The following MRPS15 variants were observed in gnomAD, a reference collection of about 807,000 sequenced individuals.
The protein encoded by MRPS15 is mitochondrial ribosomal protein S15.
MRPS15 carries 25 observed loss-of-function variants against 30.7 expected under a neutral mutation model. The observed-to-expected ratio is 0.81, with a 90% confidence interval of 0.59 to 1.14. The LOEUF is 1.14. MRPS15 is among the 50% of genes most tolerant of loss of function. The pLI, the probability that MRPS15 is intolerant of heterozygous loss-of-function variation, is 0.00. For missense variants in MRPS15, 313 were observed against 321.7 expected (o/e 0.97, Z 0.21); for synonymous variants, 124 against 120.1 (o/e 1.03, Z -0.21).
intron 2 of MRPS15, among the ~76,000 whole-genome samples, chr1:36,462,975 G>A (rs1172510621): frequency 6.6e-6 from 1 of 151,696 alleles, no homozygotes; most frequent in Non-Finnish European, 1.5e-5. Context: ...TTTCTTTTTT[G>A]TTTTTTTGAG....
At position 36,463,669 on chromosome 1, in the gene MRPS15, T is replaced by A. The variant is rs147408894; in HGVS notation, c.175+137A>T. ...TGCAGGCCTAGGGCTTTGTGTAAGG[T>A]GGACGTGGGGTCTTTTGCTCAGGAC... On this transcript the variant is annotated intron_variant, in intron 2 of 7. Transcript: ENST00000373116. 8.6e-4 allele frequency: 840 copies of A among 972,294 alleles called. 5 individuals are homozygous for A. In the African/African-American group the frequency reaches 0.013, roughly 15 times the overall value. 60.2% of individuals were successfully genotyped at this position (972,294 alleles called of 1,614,324 possible). A position where few individuals can be genotyped will look rare whatever the true frequency, so the allele number is the denominator to read the frequency against.
At position 36,455,940 on chromosome 1, in the gene MRPS15, G is replaced by T. The variant is rs758068156; in HGVS notation, c.637-15C>A. ...TCCTGGAAAACCTGGGGATGAAAAG[G>T]GGCAGAAAAAGACCTTGTAATCCTG... On this transcript the variant is annotated splice_polypyrimidine_tract_variant and intron_variant, in intron 7 of 7. Transcript: ENST00000373116. 6.2e-7 allele frequency: 1 copy of T among 1,610,822 alleles called. No homozygotes were observed. The highest frequency in any genetic ancestry group is 1.1e-5 in the South Asian group (1 of 90,682).
At chr1:36,457,848 C>T in intron 6 of MRPS15, 75 bp downstream of exon 6, 1 of 1,437,090 alleles carries the variant, frequency 7.0e-7, no homozygotes, top group South Asian at 1.1e-5. Context: ...CTTCTCTGGA[C>T]CCAGAGCCCT....
In MRPS15 at chr1:36,458,042, G is replaced by T. The variant is rs16823045; in HGVS notation, c.386-61C>A. 1 of 1,462,296 alleles carries T rather than the reference G, an allele frequency of 6.8e-7. No individual in the cohort carries two copies. Among genetic ancestry groups the T allele is most frequent in the Non-Finnish European group, 9.6e-7 (1 of 1,042,038 alleles). The allele number at this position is 1,462,296 out of a possible 1,614,324, so 90.6% of individuals were successfully genotyped here. On this transcript the variant is annotated intron_variant, in intron 5 of 7. Transcript: ENST00000373116. The surrounding 1 kb of genome is among the most constrained non-coding windows in gnomAD (Gnocchi z 4.5). Reference sequence around the variant, plus strand: ...ACAGAGGAAGGAAGGGCCCAGGCCTGGTTTACGTTTTAAGAACTCAAGGAA... The same window carrying T: ...ACAGAGGAAGGAAGGGCCCAGGCCTTGTTTACGTTTTAAGAACTCAAGGAA...
At chr1:36,462,231 G>T in intron 2 of MRPS15, 68 bp from the exon 3 acceptor site, 1 of 1,227,696 alleles carries the variant, frequency 8.1e-7, no homozygotes, top group Non-Finnish European at 1.2e-6. Flanking sequence ...CCCAGACCTG[G>T]CTCTTTTCAC....
Position 36,462,176 on chromosome 1 carries a change from T to C in MRPS15, c.176-13A>G. 1 of 1,604,156 alleles carries C rather than the reference T, an allele frequency of 6.2e-7. No homozygotes were observed. Among genetic ancestry groups the C allele is most frequent in the Non-Finnish European group, 8.5e-7 (1 of 1,172,734 alleles). ...AGCCTAGACTGGGCTGTCAAGTAAA[T>C]ATGGGGATAGAAAACACCCAGAGTC... On this transcript the variant is annotated splice_polypyrimidine_tract_variant and intron_variant, in intron 2 of 7. Transcript: ENST00000373116.
Position 36,460,693 on chromosome 1 carries a change from T to G in MRPS15, c.384A>C (p.Arg128=). 2 of 1,613,804 alleles carry G rather than the reference T, an allele frequency of 1.2e-6. No homozygotes were observed. The highest frequency in any genetic ancestry group is 1.7e-6 in the Non-Finnish European group (2 of 1,179,750). The change falls in exon 5 of 8, where the codon CGA becomes CGC. Residue 128 remains arginine (R), a splice_region_variant and synonymous_variant. Transcript: ENST00000373116. The part of the protein sequence containing the change: ...NPEDTRSLEA[R]IIALSVKIRS... ...ACTCCCCAAGGGTCCCCGACCAACT[T>G]CGAGCCTCCAGGGATCTGGTGTCCT...
At chr1:36,460,612 G>T in intron 5 of MRPS15, 80 bp downstream of exon 5, 1 of 1,072,430 alleles carries the variant, frequency 9.3e-7, no homozygotes, top group Non-Finnish European at 1.4e-6. Flanking sequence ...ATGTGCATGT[G>T]CTTGTAGACA....
chr1:36,455,996 T>C, intron 7 of MRPS15, 71 bp from the exon 8 acceptor site: 21 of 1,569,852 alleles, frequency 1.3e-5, no homozygotes, highest in South Asian at 8.3e-5. Flanking sequence ...ACAAGTGGGA[T>C]GGGAACTATT....
chr1:36,460,380 C>G lies in MRPS15; in HGVS notation c.385+312G>C, dbSNP rs992578615. 3.9e-5 allele frequency among the ~76,000 whole-genome samples: 6 copies of G among 152,188 alleles called. No homozygotes were observed. In the East Asian group the frequency reaches 1.2e-3, roughly 29 times the overall value. ...GTTTACATCCCCTAGCTGCCTCTCA[C>G]AATGCTGCCATGAGGTGGGTAACAT... On this transcript the variant is annotated intron_variant, in intron 5 of 7. Transcript: ENST00000373116.
intron 7 of MRPS15, 99 bp from the exon 8 acceptor site, chr1:36,456,024 C>A (rs1047529662): frequency 3.9e-6 from 6 of 1,522,384 alleles, no homozygotes; most frequent in Non-Finnish European, 5.3e-6. Flanking sequence ...GATGGTAACC[C>A]CAGCCTTTCT....
At position 36,455,759 on chromosome 1, in the gene MRPS15, C is replaced by T. The variant is rs1457649967; in HGVS notation, c.*29G>A. ...CCCCATCATCTCTCCTATCATTCTTCAAGACAGAAAGAAATGATTGAACAG... is the reference window on the plus strand; with the variant it reads ...CCCCATCATCTCTCCTATCATTCTTTAAGACAGAAAGAAATGATTGAACAG... On this transcript the variant is annotated 3_prime_UTR_variant, in exon 8 of 8. Coordinates refer to ENST00000373116, the MANE Select transcript of MRPS15 (RefSeq NM_031280.4). 8 of 1,610,026 alleles carry T rather than the reference C, an allele frequency of 5.0e-6. No homozygotes were observed. The highest frequency in any genetic ancestry group is 6.8e-6 in the Non-Finnish European group (8 of 1,178,848).
chr1:36,457,815 A>G, intron 6 of MRPS15, 108 bp downstream of exon 6: 1 of 1,072,520 alleles, frequency 9.3e-7, no homozygotes, highest in African/African-American at 1.6e-5. Context: ...GGAGGGAAGC[A>G]TTTTCAGTGG....
rs1650030055 is a variant in MRPS15 at position 36,457,970 on chromosome 1, A to C, written c.397T>G (p.Ser133Ala). ...TCTTCATAACTGCGGATCTTGACAG[A>C]CAAGGCAATAACTGAAACCACAAAC... ...RSLEARIIAL[S>A]VKIRSYEEHL... The change falls in exon 6 of 8, where the codon TCT becomes GCT. Residue 133 changes from serine (S) to alanine (A), a missense_variant. Physicochemically the swap from Ser to Ala is moderately conservative, Grantham distance 99. Coordinates refer to ENST00000373116, the MANE Select transcript of MRPS15 (RefSeq NM_031280.4). 1 of 1,614,208 alleles carries C rather than the reference A, an allele frequency of 6.2e-7. No individual in the cohort carries two copies. Among genetic ancestry groups the C allele is most frequent in the Non-Finnish European group, 8.5e-7 (1 of 1,180,028 alleles).
intron 7 of MRPS15, 106 bp downstream of exon 7, chr1:36,456,081 T>C: frequency 6.7e-7 from 1 of 1,483,036 alleles, no homozygotes; most frequent in Non-Finnish European, 9.1e-7. Context: ...TTCCAGGGCC[T>C]GGGGCCAGTT....
In MRPS15 at chr1:36,460,649, C is replaced by G. The variant is rs199618991; in HGVS notation, c.385+43G>C. On this transcript the variant is annotated intron_variant, in intron 5 of 7. Coordinates refer to ENST00000373116, the MANE Select transcript of MRPS15 (RefSeq NM_031280.4). ...GAGCCCTAGATCAGGTCCCAGCTAG[C>G]AGGCTTCCCTACACCCCCACTCCCC... 23 of 1,460,210 alleles carry G rather than the reference C, an allele frequency of 1.6e-5. No homozygotes were observed. In the African/African-American group the frequency reaches 2.8e-4, roughly 18 times the overall value. The allele number at this position is 1,460,210 out of a possible 1,614,324, so 90.5% of individuals were successfully genotyped here.
chr1:36,456,459 T>A, intron 6 of MRPS15, 81 bp from the exon 7 acceptor site: 1 of 1,289,750 alleles, frequency 7.8e-7, no homozygotes, highest in Non-Finnish European at 1.0e-6. Flanking sequence ...ATTTTATCAT[T>A]TCACTGAAAT....
At chr1:36,462,408 C>T (rs559288793) in intron 2 of MRPS15, among the ~76,000 whole-genome samples, 4 of 152,226 alleles carry the variant, frequency 2.6e-5, no homozygotes, top group Non-Finnish European at 5.9e-5. Flanking sequence ...CTTTCACACA[C>T]CTATCTGGCT....
rs1412399509 is a variant in MRPS15 at position 36,455,766 on chromosome 1, G to T, written c.*22C>A. On this transcript the variant is annotated 3_prime_UTR_variant, in exon 8 of 8. Transcript: ENST00000373116. ...ATCTCTCCTATCATTCTTCAAGACAGAAAGAAATGATTGAACAGAATTTAT... is the reference window on the plus strand; with the variant it reads ...ATCTCTCCTATCATTCTTCAAGACATAAAGAAATGATTGAACAGAATTTAT... 1.2e-6 allele frequency: 2 copies of T among 1,611,368 alleles called. No individual in the cohort carries two copies. The highest frequency in any genetic ancestry group is 2.7e-5 in the African/African-American group (2 of 74,610).
Sources: gnomAD v4.1 joint callset for allele counts (sites outside exome capture counted in the v4.1 genomes callset) on GRCh38, gnomAD v4.1.1 for gene constraint, Gnocchi (gnomAD v3.1) non-coding constraint, MANE v1.5 for transcripts, NCBI Gene and HGNC (gene_info 2026-07-23, HGNC 2026-07-21) for gene names.